The following ARHGEF28 variants were observed in gnomAD, a reference collection of about 807,000 sequenced individuals.
ARHGEF28 encodes 190 kDa guanine nucleotide exchange factor.
Under a neutral mutation model 206.6 loss-of-function variants are expected in ARHGEF28, and 152 were observed. The observed-to-expected ratio is 0.74, with a 90% CI of 0.64 to 0.84. The LOEUF is 0.84. Ranked by LOEUF, ARHGEF28 falls within the 40% of genes least tolerant of loss-of-function variation. The pLI, the probability that ARHGEF28 is intolerant of heterozygous loss-of-function variation, is 0.00. For missense variants in ARHGEF28, 2,028 were observed against 2,073.2 expected, an observed-to-expected ratio of 0.98 and a Z score of 0.42; for synonymous variants, 763 against 776.4, an observed-to-expected ratio of 0.98 and a Z score of 0.29.
At chr5:73,629,095 A>C (rs929314180) in intron 1 of ARHGEF28, among the ~76,000 whole-genome samples, 1 of 151,912 alleles carries the variant, frequency 6.6e-6, no homozygotes, top group Non-Finnish European at 1.5e-5. Context: ...CTTTGCTTTG[A>C]TTCTCTGATC....
chr5:73,724,368 G>T (rs534084244), intron 2 of ARHGEF28, among the ~76,000 whole-genome samples: 4 of 152,230 alleles, frequency 2.6e-5, no homozygotes, highest in African/African-American at 9.6e-5. Flanking sequence ...GACATGAATA[G>T]AATTTCAGTT....
At chr5:73,734,954 G>C (rs190054411) in intron 2 of ARHGEF28, among the ~76,000 whole-genome samples, 18 of 152,210 alleles carry the variant, frequency 1.2e-4, no homozygotes, top group Middle Eastern at 6.8e-3. Flanking sequence ...AGAACTTGAG[G>C]AGGGTCATTG....
chr5:73,799,304 T>G (rs950073277), intron 9 of ARHGEF28, among the ~76,000 whole-genome samples: 4 of 152,104 alleles, frequency 2.6e-5, no homozygotes, highest in Admixed American at 1.3e-4. Context: ...CAAACAAAGA[T>G]GCATAAACCA....
At chr5:73,797,741 A>G (rs1458160154) in intron 9 of ARHGEF28, among the ~76,000 whole-genome samples, 1 of 152,232 alleles carries the variant, frequency 6.6e-6, no homozygotes, top group African/African-American at 2.4e-5. Flanking sequence ...ATGCTGATAA[A>G]TGGTGTGGGA....
chr5:73,773,992 T>A lies in ARHGEF28; in HGVS notation c.613T>A (p.Leu205Ile), dbSNP rs748337578. Residue 205 changes from leucine to isoleucine, a missense_variant, in exon 5 of 36, where the codon TTA becomes ATA. By Grantham distance (5) the Leu-to-Ile change is conservative. This residue lies in a region of ARHGEF28 where 1,002 missense variants were observed against 1,015.3 expected (regional missense o/e 0.99). Coordinates refer to ENST00000513042, the MANE Select transcript of ARHGEF28 (RefSeq NM_001177693.2). ...PNEEGATPLD[L>I]ALREGHSKLV... is the part of the protein sequence containing the mutation. ...CGAAGAGGGTGCCACACCATTAGAC[T>A]TAGCTTTACGTGAAGGACACTCCAA... 1 of 1,605,702 alleles carries A rather than the reference T, an allele frequency of 6.2e-7. No individual in the cohort carries two copies. Among genetic ancestry groups the A allele is most frequent in the Non-Finnish European group, 8.5e-7 (1 of 1,175,894 alleles).
chr5:73,683,444 C>T (rs143882567), intron 1 of ARHGEF28, among the ~76,000 whole-genome samples: 1 of 152,178 alleles, frequency 6.6e-6, no homozygotes, highest in African/African-American at 2.4e-5. Context: ...CCTCATATAA[C>T]TGGCATCATA....
chr5:73,643,627 C>T (rs1013268043), intron 1 of ARHGEF28, among the ~76,000 whole-genome samples: 1 of 151,944 alleles, frequency 6.6e-6, no homozygotes, highest in African/African-American at 2.4e-5. Context: ...CCAGCTTGGG[C>T]AACATGGCAA....
chr5:73,714,859 A>T lies in ARHGEF28; in HGVS notation c.33+29975A>T, dbSNP rs535340985. 1.1e-4 allele frequency among the ~76,000 whole-genome samples: 16 copies of T among 152,266 alleles called. 1 individual carries two copies. In the South Asian group the frequency reaches 2.7e-3, roughly 26 times the overall value. On this transcript the variant is annotated intron_variant, in intron 2 of 35. Coordinates refer to ENST00000513042, the MANE Select transcript of ARHGEF28 (RefSeq NM_001177693.2). ...ACACCATTTAGACTTGTATCATAAGAGATTAGTTTCTTGCAGTAAAAGGTG... is the reference window on the plus strand; with the variant it reads ...ACACCATTTAGACTTGTATCATAAGTGATTAGTTTCTTGCAGTAAAAGGTG...
chr5:73,920,060 T>C (rs1368491129), intron 35 of ARHGEF28, among the ~76,000 whole-genome samples: 1 of 152,158 alleles, frequency 6.6e-6, no homozygotes, highest in Non-Finnish European at 1.5e-5. Flanking sequence ...TTAGCAGAAA[T>C]GAAAGCAACC....
intron 20 of ARHGEF28, among the ~76,000 whole-genome samples, chr5:73,868,477 G>A (rs1759857876): frequency 6.6e-6 from 1 of 152,100 alleles, no homozygotes; most frequent in Non-Finnish European, 1.5e-5. Context: ...AATGTCACAA[G>A]CATAACGAAG....
chr5:73,890,743 GGCGTC>G (rs1196134965), intron 26 of ARHGEF28, among the ~76,000 whole-genome samples: 1 of 152,184 alleles, frequency 6.6e-6, no homozygotes, highest in African/African-American at 2.4e-5. Context: ...TCTGGATAAA[GGCGTC>G]GCTCAGTCCA....
intron 18 of ARHGEF28, among the ~76,000 whole-genome samples, chr5:73,866,262 T>TA (rs1759700905): frequency 6.6e-6 from 1 of 152,172 alleles, no homozygotes; most frequent in Non-Finnish European, 1.5e-5. Flanking sequence ...AAGGAGAAGG[T>TA]ATTAACGTGT....
At chr5:73,891,807 G>A (rs955560916) in intron 26 of ARHGEF28, among the ~76,000 whole-genome samples, 1 of 152,152 alleles carries the variant, frequency 6.6e-6, no homozygotes, top group Non-Finnish European at 1.5e-5. Context: ...TTACAGGAGG[G>A]AGCCGTTGGG....
At chr5:73,757,379 G>A (rs889129081) in intron 4 of ARHGEF28, among the ~76,000 whole-genome samples, 6 of 151,998 alleles carry the variant, frequency 3.9e-5, no homozygotes, top group Non-Finnish European at 8.8e-5. Context: ...ATTTATTTAT[G>A]ATTTCTTCAA....
At chr5:73,721,525 T>C (rs1229837345) in intron 2 of ARHGEF28, among the ~76,000 whole-genome samples, 1 of 152,184 alleles carries the variant, frequency 6.6e-6, no homozygotes, top group Non-Finnish European at 1.5e-5. Context: ...CTGTGATCAC[T>C]GTTGAAGCCT....
rs1762831723 is a variant in ARHGEF28, at chr5:73,910,459, C to T, written c.4647+562C>T. On this transcript the variant is annotated intron_variant, in intron 34 of 35. Transcript: ENST00000513042. ...GGATCACTGCACTCTGCCTGAGATGCCCTTACCCTAAGGAACAAACACAGA... is the reference window on the plus strand; with the variant it reads ...GGATCACTGCACTCTGCCTGAGATGTCCTTACCCTAAGGAACAAACACAGA... 2.0e-5 allele frequency among the ~76,000 whole-genome samples: 3 copies of T among 148,944 alleles called. No homozygotes were observed. The South Asian group carries it at 6.4e-4, about 32-fold the overall frequency.
intron 2 of ARHGEF28, among the ~76,000 whole-genome samples, chr5:73,708,605 A>G (rs1217525249): frequency 3.3e-5 from 5 of 152,072 alleles, no homozygotes. Flanking sequence ...TATTCACTCT[A>G]CCATTGATGG....
At chr5:73,820,900 T>G (rs1286653138) in intron 9 of ARHGEF28, among the ~76,000 whole-genome samples, 1 of 152,102 alleles carries the variant, frequency 6.6e-6, no homozygotes, top group Non-Finnish European at 1.5e-5. Flanking sequence ...ATGGTTGTCC[T>G]CATGATGGTG....
In ARHGEF28 at chr5:73,901,188, A is replaced by G; in HGVS notation, c.3978A>G (p.Leu1326=). ...HDVPGSPTAS[L]VTGGREGRGC... ...GTCTCGATGGCGTGCTTCCAGCATT[A>G]GTCACAGGAGGGAGAGAAGGAAGAG... Residue 1326 remains leucine, a synonymous_variant, in exon 31 of 36, where the codon TTA becomes TTG. Coordinates refer to ENST00000513042, the MANE Select transcript of ARHGEF28 (RefSeq NM_001177693.2). 1 of 1,612,730 alleles carries G rather than the reference A, an allele frequency of 6.2e-7. No individual in the cohort carries two copies. Among genetic ancestry groups the G allele is most frequent in the African/African-American group, 1.3e-5 (1 of 75,020 alleles).
Sources: gnomAD v4.1 joint callset for allele counts (sites outside exome capture counted in the v4.1 genomes callset) on GRCh38, gnomAD v4.1.1 for gene constraint, gnomAD v4.1.1 regional missense constraint, MANE v1.5 for transcripts, NCBI Gene and HGNC (gene_info 2026-07-23, HGNC 2026-07-21) for gene names.